The following TCF4 variants were observed in gnomAD, a reference collection of about 807,000 sequenced individuals.
TCF4 encodes the protein SL3-3 enhancer factor 2.
TCF4 carries 3 observed loss-of-function variants against 82.1 expected under a neutral mutation model. That is an observed-to-expected ratio of 0.04 (90% CI 0.02 to 0.09). The LOEUF (loss-of-function observed/expected upper bound fraction) is 0.09, where lower values mean the gene tolerates loss of function less well. TCF4 is among the 10% of genes least tolerant of loss of function. The probability of loss-of-function intolerance (pLI) is 1.00; values close to 1 mark genes in which losing one functional copy is unlikely to be tolerated. For synonymous variants in TCF4, 276 were observed against 309.6 expected (o/e 0.89, Z 1.14); for missense variants, 518 against 852.7 (o/e 0.61, Z 4.89).
chr18:55,427,476 T>C (rs1382470168), intron 5 of TCF4, among the ~76,000 whole-genome samples: 1 of 152,222 alleles, frequency 6.6e-6, no homozygotes, highest in Non-Finnish European at 1.5e-5. Context: ...GCAAAGTGGA[T>C]CTGAGAGTCA....
At chr18:55,245,768 C>A (rs992582704) in intron 15 of TCF4, among the ~76,000 whole-genome samples, 1 of 151,126 alleles carries the variant, frequency 6.6e-6, no homozygotes, top group South Asian at 2.1e-4. Context: ...CTCCGGGAAG[C>A]TTTTCCTAGC....
chr18:55,599,717 A>C (rs1014289524), intron 2 of TCF4, among the ~76,000 whole-genome samples: 5 of 152,218 alleles, frequency 3.3e-5, no homozygotes, highest in Non-Finnish European at 1.5e-5. Context: ...TGAGAGTCTT[A>C]TCGCAAAACA....
chr18:55,588,056 G>A lies in TCF4; in HGVS notation c.-39C>T. ...TACCTACCGCCCGCGCGCGAGAAGGGGCTCTCCGTGCACCGCCGGCGCCGA... is the reference window on the plus strand; with the variant it reads ...TACCTACCGCCCGCGCGCGAGAAGGAGCTCTCCGTGCACCGCCGGCGCCGA... On this transcript the variant is annotated 5_prime_UTR_variant, in exon 1 of 20. Coordinates refer to ENST00000354452, the MANE Select transcript of TCF4 (RefSeq NM_001083962.2). 1.0e-6 allele frequency: 1 copy of A among 986,422 alleles called. No individual in the cohort carries two copies. 61.1% of individuals were successfully genotyped at this position (986,422 alleles called of 1,614,324 possible). A position where few individuals can be genotyped will look rare whatever the true frequency, so the allele number is the denominator to read the frequency against.
chr18:55,592,905 T>C (rs145339489), upstream of TCF4, among the ~76,000 whole-genome samples: 2 of 152,290 alleles, frequency 1.3e-5, no homozygotes, highest in African/African-American at 4.8e-5. Flanking sequence ...CTAGAGATTC[T>C]TTCCCAATTA....
intron 5 of TCF4, among the ~76,000 whole-genome samples, chr18:55,437,836 T>C (rs1274233856): frequency 6.6e-6 from 1 of 152,166 alleles, no homozygotes; most frequent in Non-Finnish European, 1.5e-5. Flanking sequence ...ATCTCAAGAA[T>C]GTCACTCATC....
chr18:55,397,671 G>A (rs575429783), intron 6 of TCF4, among the ~76,000 whole-genome samples: 70 of 152,228 alleles, frequency 4.6e-4, no homozygotes, highest in African/African-American at 1.2e-4. Context: ...ATTTGCATGA[G>A]GACAACTGAA....
intron 3 of TCF4, among the ~76,000 whole-genome samples, chr18:55,575,384 T>C (rs1195811273): frequency 6.6e-6 from 1 of 152,250 alleles, no homozygotes; most frequent in Admixed American, 6.5e-5. Flanking sequence ...GGGTTATGTA[T>C]GAAATTGGAT....
At chr18:55,252,767 TTGAG>T (rs2145431911) in intron 15 of TCF4, among the ~76,000 whole-genome samples, 1 of 152,262 alleles carries the variant, frequency 6.6e-6, no homozygotes, top group Admixed American at 6.5e-5. Context: ...TTTCTGTTGA[TTGAG>T]AGCAGATATA....
chr18:55,393,336 C>T (rs1410206072), intron 6 of TCF4, among the ~76,000 whole-genome samples: 1 of 151,982 alleles, frequency 6.6e-6, no homozygotes, highest in Non-Finnish European at 1.5e-5. Context: ...TGCACTCCAG[C>T]CTGGGTGATA....
At chr18:55,635,929 T>A in exon 1 of TCF4, 1 of 1,578,796 alleles carries the variant, frequency 6.3e-7, no homozygotes, top group Non-Finnish European at 8.6e-7. Flanking sequence ...TAAGTGCCAA[T>A]CTACAAGAAA....
chr18:55,240,753 A>T (rs1057351311), intron 15 of TCF4, among the ~76,000 whole-genome samples: 4 of 152,242 alleles, frequency 2.6e-5, no homozygotes, highest in African/African-American at 9.6e-5. Context: ...CATATTTCTC[A>T]GTTTAAAAAA....
At chr18:55,621,149 G>C (rs958582780) in intron 2 of TCF4, among the ~76,000 whole-genome samples, 2 of 151,364 alleles carry the variant, frequency 1.3e-5, no homozygotes, top group African/African-American at 4.9e-5. Flanking sequence ...TCTTCATATA[G>C]TTACACTAGC....
chr18:55,567,839 A>G (rs1308330099), intron 3 of TCF4, among the ~76,000 whole-genome samples: 1 of 152,258 alleles, frequency 6.6e-6, no homozygotes. Flanking sequence ...AAAATTGGCA[A>G]CAAAGCAAGC....
intron 5 of TCF4, among the ~76,000 whole-genome samples, chr18:55,417,321 A>C (rs185470127): frequency 2.0e-5 from 3 of 152,352 alleles, no homozygotes; most frequent in Admixed American, 2.0e-4. Flanking sequence ...GAGGACCTGC[A>C]GCTGCATTTT....
intron 6 of TCF4, among the ~76,000 whole-genome samples, chr18:55,359,574 G>C (rs768909229): frequency 6.6e-6 from 1 of 152,182 alleles, no homozygotes; most frequent in East Asian, 1.9e-4. Flanking sequence ...GAAGATGCTT[G>C]CATGATTTCA....
intron 2 of TCF4, chr18:55,585,603 T>C: frequency 6.6e-6 from 4 of 607,414 alleles, no homozygotes; most frequent in Non-Finnish European, 1.1e-5. Context: ...ACTGCTACAT[T>C]TGGAACAAAC....
At chr18:55,384,650 A>C (rs2092414979) in intron 6 of TCF4, among the ~76,000 whole-genome samples, 1 of 152,196 alleles carries the variant, frequency 6.6e-6, no homozygotes, top group African/African-American at 2.4e-5. Flanking sequence ...ATACTATCAG[A>C]AAAGAAGAGC....
rs983347390 is a variant in TCF4, at chr18:55,351,111, T to C, written c.370-108A>G. Reference sequence around the variant, plus strand: ...CCAATGCAATAAAGCAAACAGCATCTGCTAAGCTGAGACAATTAAAACAAA... The same window carrying C: ...CCAATGCAATAAAGCAAACAGCATCCGCTAAGCTGAGACAATTAAAACAAA... On this transcript the variant is annotated intron_variant, in intron 6 of 19. Coordinates refer to ENST00000354452, the MANE Select transcript of TCF4 (RefSeq NM_001083962.2). 5 of 1,383,230 alleles carry C rather than the reference T, an allele frequency of 3.6e-6. No individual in the cohort carries two copies. In the African/African-American group the frequency reaches 5.8e-5, roughly 16 times the overall value. The allele number at this position is 1,383,230 out of a possible 1,614,324, so 85.7% of individuals were successfully genotyped here. A position where few individuals can be genotyped will look rare whatever the true frequency, so the allele number is the denominator to read the frequency against.
intron 3 of TCF4, among the ~76,000 whole-genome samples, chr18:55,546,517 C>A (rs2147060018): frequency 6.6e-6 from 1 of 152,168 alleles, no homozygotes; most frequent in Non-Finnish European, 1.5e-5. Context: ...TCATTATAAG[C>A]ATTAATAATG....
Sources: gnomAD v4.1 joint callset for allele counts (sites outside exome capture counted in the v4.1 genomes callset) on GRCh38, gnomAD v4.1.1 for gene constraint, MANE v1.5 for transcripts, NCBI Gene and HGNC (gene_info 2026-07-23, HGNC 2026-07-21) for gene names.